The following COP1 variants were observed in gnomAD, a reference collection of about 807,000 sequenced individuals.
The protein encoded by COP1 is COP1 E3 ubiquitin ligase, also known as E3 ubiquitin-protein ligase COP1.
A neutral mutation model predicts 101.3 loss-of-function variants in COP1; 24 were observed. That is an observed-to-expected ratio of 0.24 (90% CI 0.17 to 0.33). The LOEUF (loss-of-function observed/expected upper bound fraction) is 0.33, where lower values mean the gene tolerates loss of function less well. Ranked by LOEUF, COP1 falls within the 10% of genes least tolerant of loss-of-function variation. The pLI is 1.00. For synonymous variants in COP1, 347 were observed against 341.9 expected, an observed-to-expected ratio of 1.01 and a Z score of -0.17; for missense variants, 663 against 906.2, an observed-to-expected ratio of 0.73 and a Z score of 3.45.
chr1:175,985,834 C>T (rs1656983723), intron 18 of COP1, among the ~76,000 whole-genome samples: 1 of 151,922 alleles, frequency 6.6e-6, no homozygotes, highest in African/African-American at 2.4e-5. Context: ...GGAAATGGAG[C>T]CACAGAACTT....
At chr1:176,059,327 AATT>A (rs1674434626) in intron 11 of COP1, among the ~76,000 whole-genome samples, 1 of 152,192 alleles carries the variant, frequency 6.6e-6, no homozygotes, top group African/African-American at 2.4e-5. Context: ...TGAGTCATTA[AATT>A]ATTATTTGAC....
intron 11 of COP1, among the ~76,000 whole-genome samples, chr1:176,060,402 C>A (rs1674630152): frequency 6.6e-6 from 1 of 152,002 alleles, no homozygotes; most frequent in Non-Finnish European, 1.5e-5. Context: ...ATAACAAGAG[C>A]TGAAAAAGAA....
Position 176,022,088 on chromosome 1 carries a change from C to T in COP1, c.1729+5484G>A, listed in dbSNP as rs146979007. Among the ~76,000 whole-genome samples, 400 of 152,216 alleles carry T rather than the reference C, an allele frequency of 2.6e-3. 3 individuals carry two copies. The highest frequency in any genetic ancestry group is 9.2e-3 in the African/African-American group (382 of 41,526). The stretch of plus-strand genomic sequence containing the variant: ...AGGCAATGTTATTACATACACAAAG[C>T]TCAGAAGACATATGTTTTCATTCTA... On this transcript the variant is annotated intron_variant, in intron 15 of 19. Transcript: ENST00000367669.
At chr1:176,020,263 A>T (rs1399233125) in intron 15 of COP1, among the ~76,000 whole-genome samples, 1 of 149,316 alleles carries the variant, frequency 6.7e-6, no homozygotes, top group Non-Finnish European at 1.5e-5. Flanking sequence ...GTGAGCCAAG[A>T]TCACGCCATT....
chr1:175,964,983 T>C (rs897383420), intron 18 of COP1, among the ~76,000 whole-genome samples: 2 of 152,204 alleles, frequency 1.3e-5, no homozygotes, highest in East Asian at 3.8e-4. Flanking sequence ...GAGTGTTAAT[T>C]TGCACTCATA....
intron 11 of COP1, among the ~76,000 whole-genome samples, chr1:176,080,697 T>A (rs930541248): frequency 1.3e-5 from 2 of 152,274 alleles, no homozygotes; most frequent in African/African-American, 4.8e-5. Context: ...AGACACAAAC[T>A]AATTATAATG....
At chr1:175,991,310 T>C (rs1658382325) in intron 15 of COP1, among the ~76,000 whole-genome samples, 1 of 152,126 alleles carries the variant, frequency 6.6e-6, no homozygotes, top group Non-Finnish European at 1.5e-5. Flanking sequence ...CTGAATGCTG[T>C]AGGAAACTGT....
intron 18 of COP1, among the ~76,000 whole-genome samples, chr1:175,949,832 TG>T (rs559460042): frequency 9.8e-5 from 15 of 152,308 alleles, no homozygotes; most frequent in African/African-American, 3.1e-4. Context: ...AGAGACCTGG[TG>T]AAGATGAGGA....
chr1:176,003,250 G>A (rs1300039253), intron 15 of COP1, among the ~76,000 whole-genome samples: 1 of 152,116 alleles, frequency 6.6e-6, no homozygotes, highest in Admixed American at 6.5e-5. Context: ...CTGGATATTA[G>A]CCCTTTGTCA....
chr1:176,069,036 A>C (rs1676509684), intron 11 of COP1, among the ~76,000 whole-genome samples: 1 of 152,084 alleles, frequency 6.6e-6, no homozygotes, highest in African/African-American at 2.4e-5. Flanking sequence ...AAAAATACAA[A>C]AATTAGCCAG....
At chr1:176,077,315 C>T (rs1483138031) in intron 11 of COP1, among the ~76,000 whole-genome samples, 1 of 152,118 alleles carries the variant, frequency 6.6e-6, no homozygotes, top group Non-Finnish European at 1.5e-5. Flanking sequence ...ATCAAGTATG[C>T]TTTATTCCTG....
rs71129555 is a variant in COP1, at chr1:176,127,561, C to CTGTGTGTGTGTG, written c.968+7437_968+7448dup. On this transcript the variant is annotated intron_variant, in intron 8 of 19. Coordinates refer to ENST00000367669, the MANE Select transcript of COP1 (RefSeq NM_022457.7). ...CTTTTTAAGGTGGAATAGTATTCTA[C>CTGTGTGTGTGTG]TGTGTGTGTGTGTGTGTGTGTGTGT... Among the ~76,000 whole-genome samples, 732 of 148,252 alleles carry CTGTGTGTGTGTG rather than the reference C, an allele frequency of 4.9e-3. 2 individuals carry two copies. Among genetic ancestry groups the CTGTGTGTGTGTG allele is most frequent in the Middle Eastern group, 0.01 (3 of 290 alleles).
intron 15 of COP1, among the ~76,000 whole-genome samples, chr1:176,013,888 C>A (rs1168097910): frequency 6.6e-6 from 1 of 152,122 alleles, no homozygotes; most frequent in South Asian, 2.1e-4. Context: ...AGTTAAGACA[C>A]TGCCAAAAGT....
intron 18 of COP1, among the ~76,000 whole-genome samples, chr1:175,956,989 G>C (rs1186528366): frequency 3.3e-5 from 5 of 151,996 alleles, no homozygotes. Flanking sequence ...AAAAATGGAA[G>C]AAAGCTTACA....
chr1:176,120,648 T>C (rs545865911), intron 8 of COP1, among the ~76,000 whole-genome samples: 6 of 152,302 alleles, frequency 3.9e-5, no homozygotes, highest in African/African-American at 1.4e-4. Flanking sequence ...GCTATGCAAG[T>C]AGATGTCCGT....
chr1:176,062,063 A>C (rs771383785), intron 11 of COP1, among the ~76,000 whole-genome samples: 75 of 152,138 alleles, frequency 4.9e-4, no homozygotes, highest in Admixed American at 1.6e-3. Context: ...GCAGTGGTGC[A>C]ATCTGGGCTC....
chr1:175,978,224 T>TAA (rs985451176), intron 18 of COP1, among the ~76,000 whole-genome samples: 7 of 152,246 alleles, frequency 4.6e-5, no homozygotes, highest in Admixed American at 4.6e-4. Flanking sequence ...ACACTCTTTT[T>TAA]AAAAAAGGAT....
chr1:175,980,721 G>A (rs1302935494), intron 18 of COP1, among the ~76,000 whole-genome samples: 2 of 151,944 alleles, frequency 1.3e-5, no homozygotes, highest in African/African-American at 4.8e-5. Context: ...ACTTTTTGGG[G>A]TCACTTCTGA....
At position 175,998,063 on chromosome 1, in the gene COP1, T is replaced by TA. The variant is rs57110017; in HGVS notation, c.1730-8585dup. 4.9e-4 allele frequency among the ~76,000 whole-genome samples: 33 copies of TA among 66,820 alleles called. 2 individuals carry two copies. The highest frequency in any genetic ancestry group is 2.1e-3 in the African/African-American group (27 of 12,704). The allele number at this position is 66,820 out of a possible 152,430, so 43.8% of individuals were successfully genotyped here. ...TGTACCCTAAAACTTAGAGTATAAT[T>TA]AAAAAAAAAAAAAAAAAAAAAAAAA... On this transcript the variant is annotated intron_variant, in intron 15 of 19. Transcript: ENST00000367669.
Sources: gnomAD v4.1 joint callset for allele counts (sites outside exome capture counted in the v4.1 genomes callset) on GRCh38, gnomAD v4.1.1 for gene constraint, MANE v1.5 for transcripts, NCBI Gene and HGNC (gene_info 2026-07-23, HGNC 2026-07-21) for gene names.